Variants in TMEM19 observed in about 807,000 individuals in gnomAD.
The protein encoded by TMEM19 is transmembrane protein 19.
In TMEM19, 21 loss-of-function variants were observed where a neutral mutation model predicts 33.6. That is an observed-to-expected ratio of 0.62 (90% CI 0.44 to 0.90). The LOEUF (loss-of-function observed/expected upper bound fraction) is 0.90, where lower values mean the gene tolerates loss of function less well. TMEM19 is among the 40% of genes least tolerant of loss of function. The pLI, the probability that TMEM19 is intolerant of heterozygous loss-of-function variation, is 0.00. For synonymous variants in TMEM19, 149 were observed against 147.5 expected, an observed-to-expected ratio of 1.01 and a Z score of -0.07; for missense variants, 402 against 401.8, an observed-to-expected ratio of 1.00 and a Z score of 0.00.
chr12:71,700,991 G>T lies in TMEM19; in HGVS notation c.1007G>T (p.Gly336Val). ...GCTGCTTGGGGTTTTTGGCCCAGGGGGTGAACTTTATTTCATTTCCACAGG... is the reference window on the plus strand; with the variant it reads ...GCTGCTTGGGGTTTTTGGCCCAGGGTGTGAACTTTATTTCATTTCCACAGG... ...PTAAWGFWPR[G>V] Residue 336 changes from glycine (G) to valine (V), a missense_variant, in exon 6 of 6, where the codon GGG becomes GTG. Transcript: ENST00000266673. 2 of 1,604,944 alleles carry T rather than the reference G, an allele frequency of 1.2e-6. No homozygotes were observed. The highest frequency in any genetic ancestry group is 1.1e-5 in the South Asian group (1 of 89,586).
chr12:71,699,051 A>T lies in TMEM19; in HGVS notation c.789A>T (p.Leu263Phe), dbSNP rs761825307. 5 of 1,614,220 alleles carry T rather than the reference A, an allele frequency of 3.1e-6. No individual in the cohort carries two copies. Among genetic ancestry groups the T allele is most frequent in the Non-Finnish European group, 4.2e-6 (5 of 1,180,040 alleles). Reference protein sequence around the residue: ...PQWPIIAFGGLAGLLGSIVDS... With the variant: ...PQWPIIAFGGFAGLLGSIVDS... ...GGCCAATTATTGCATTTGGTGGTTT[A>T]GCTGGATTACTAGGATCAATTGTGG... Residue 263 changes from leucine (L) to phenylalanine (F), a missense_variant, in exon 5 of 6, where the codon TTA (leucine) becomes TTT (phenylalanine). By Grantham distance (22) the Leu-to-Phe change is conservative. Coordinates refer to ENST00000266673, the MANE Select transcript of TMEM19 (RefSeq NM_018279.4).
chr12:71,694,432 T>C (rs1212857144), intron 2 of TMEM19, among the ~76,000 whole-genome samples: 2 of 152,222 alleles, frequency 1.3e-5, no homozygotes, highest in African/African-American at 4.8e-5. Flanking sequence ...AGCCTCACTC[T>C]GTCATGTACC....
At chr12:71,694,237 C>A (rs922256429) in intron 2 of TMEM19, among the ~76,000 whole-genome samples, 8 of 152,098 alleles carry the variant, frequency 5.3e-5, no homozygotes, top group Non-Finnish European at 1.2e-4. Context: ...AGAGAGCGAG[C>A]ATTGCCAGAA....
intron 2 of TMEM19, among the ~76,000 whole-genome samples, chr12:71,694,663 A>C (rs1379228280): frequency 2.0e-5 from 3 of 152,226 alleles, no homozygotes; most frequent in African/African-American, 7.2e-5. Flanking sequence ...TCTGAGAAAC[A>C]GTTATGCAAA....
In TMEM19 at chr12:71,699,001, G is replaced by A. The variant is rs1881929534; in HGVS notation, c.739G>A (p.Asp247Asn). The change falls in exon 5 of 6, where the codon GAT becomes AAT. Residue 247 changes from aspartate to asparagine, a missense_variant. By Grantham distance (23) the Asp-to-Asn change is conservative. Coordinates refer to ENST00000266673, the MANE Select transcript of TMEM19 (RefSeq NM_018279.4). ...YFLTQLIFVN[D>N]LDISAPQWPI... ...CCTCACACAGCTGATTTTTGTGAAT[G>A]ATTTAGACATTTCTGCCCCGCAGTG... The A allele has an allele frequency of 1.9e-6, 3 of 1,614,048 alleles. No homozygotes were observed. In the South Asian group the frequency reaches 3.3e-5, roughly 18 times the overall value.
intron 4 of TMEM19, 135 bp downstream of exon 4, chr12:71,697,669 AAAT>A: frequency 3.4e-6 from 4 of 1,167,440 alleles, no homozygotes; most frequent in Non-Finnish European, 4.6e-6. Context: ...TAGTCTCTTT[AAAT>A]AATAATTGGA....
chr12:71,689,799 C>A, intron 2 of TMEM19, 95 bp downstream of exon 2: 1 of 800,256 alleles, frequency 1.2e-6, no homozygotes, highest in Non-Finnish European at 2.0e-6. Flanking sequence ...ATGAGACTGA[C>A]TACAAATCAC....
chr12:71,698,855 T>C (rs1384544963), intron 4 of TMEM19, 45 bp from the exon 5 acceptor site: 1 of 1,584,310 alleles, frequency 6.3e-7, no homozygotes, highest in Non-Finnish European at 8.7e-7. Flanking sequence ...CTTTATGTGT[T>C]TGCTGATTAT....
At chr12:71,697,748 A>G (rs1178722427) in intron 4 of TMEM19, among the ~76,000 whole-genome samples, 2 of 152,218 alleles carry the variant, frequency 1.3e-5, no homozygotes, top group Non-Finnish European at 2.9e-5. Context: ...AGCAAGACCT[A>G]GATAAGCAAT....
intron 5 of TMEM19, 43 bp downstream of exon 5, chr12:71,699,152 A>G (rs781046687): frequency 1.3e-6 from 2 of 1,598,878 alleles, no homozygotes; most frequent in African/African-American, 2.7e-5. Context: ...GGTATGTTAA[A>G]GAAATAGGGA....
At chr12:71,695,383 C>T (rs11178894) in intron 2 of TMEM19, among the ~76,000 whole-genome samples, 30,221 of 151,948 alleles carry the variant, frequency 0.2, 3,409 homozygotes, top group East Asian at 0.38. Flanking sequence ...TGTTTAGAGA[C>T]GGTGGAACAA....
At position 71,699,021 on chromosome 12, in the gene TMEM19, G is replaced by T. The variant is rs546420854; in HGVS notation, c.759G>T (p.Pro253=). The T allele has an allele frequency of 6.2e-7, 1 of 1,614,122 alleles. No homozygotes were observed. Among genetic ancestry groups the T allele is most frequent in the Admixed American group, 1.7e-5 (1 of 60,012 alleles). Reference sequence around the variant, plus strand: ...TGAATGATTTAGACATTTCTGCCCCGCAGTGGCCAATTATTGCATTTGGTG... The same window carrying T: ...TGAATGATTTAGACATTTCTGCCCCTCAGTGGCCAATTATTGCATTTGGTG... ...IFVNDLDISA[P]QWPIIAFGGL... Residue 253 remains proline (P), a synonymous_variant, in exon 5 of 6, where the codon CCG becomes CCT. Transcript: ENST00000266673.
In TMEM19 at chr12:71,689,678, G is replaced by A; in HGVS notation, c.218G>A (p.Ser73Asn). The change falls in exon 2 of 6, where the codon AGT becomes AAT. Residue 73 changes from serine (S) to asparagine (N), a missense_variant. Transcript: ENST00000266673. ...GTCTCTAATGGCCTTAAAAAGAAAA[G>A]TCTAGATCACAGTGGGGCTCTAGGA... ...LIVSNGLKKK[S>N]LDHSGALGGL... The A allele has an allele frequency of 6.2e-7, 1 of 1,613,940 alleles. No individual in the cohort carries two copies. Among genetic ancestry groups the A allele is most frequent in the Non-Finnish European group, 8.5e-7 (1 of 1,179,906 alleles).
At chr12:71,698,542 G>A (rs1478983650) in intron 4 of TMEM19, among the ~76,000 whole-genome samples, 1 of 151,640 alleles carries the variant, frequency 6.6e-6, no homozygotes, top group Non-Finnish European at 1.5e-5. Flanking sequence ...GTTGGAGGCT[G>A]CAGTAGGCTA....
chr12:71,704,644 G>A lies in TMEM19; in HGVS notation c.*3649G>A, dbSNP rs548808992. On this transcript the variant is annotated 3_prime_UTR_variant, in exon 6 of 6. Transcript: ENST00000266673. ...TCACGAGGTCAGGAGTTCAAGACCA[G>A]CCCGGCCAACACAGTGAAACCCCAT... is the stretch of plus-strand genomic sequence containing the variant. The A allele has an allele frequency of 6.6e-6, 1 of 152,200 alleles. No homozygotes were observed. The highest frequency in any genetic ancestry group is 1.5e-5 in the Non-Finnish European group (1 of 68,092). 9.4% of individuals were successfully genotyped at this position (152,200 alleles called of 1,614,324 possible). A position where few individuals can be genotyped will look rare whatever the true frequency, so the allele number is the denominator to read the frequency against.
In TMEM19 at chr12:71,699,061, CT is replaced by C. The variant is rs1473915356; in HGVS notation, c.800del (p.Leu267GlnfsTer9). On this transcript the variant is annotated frameshift_variant, in exon 5 of 6. Transcript: ENST00000266673. LOFTEE classifies it high-confidence loss of function. ...IIAFGGLAGL[L>X]GSIVDSYLGA... ...TGCATTTGGTGGTTTAGCTGGATTA[CT>C]AGGATCAATTGTGGACTCATACTTA... 4 of 1,614,032 alleles carry C rather than the reference CT, an allele frequency of 2.5e-6. No individual in the cohort carries two copies. Among genetic ancestry groups the C allele is most frequent in the Non-Finnish European group, 3.4e-6 (4 of 1,180,044 alleles).
rs755060805 is a variant in TMEM19, at chr12:71,696,441, G to A, written c.250G>A (p.Val84Ile). The A allele has an allele frequency of 6.2e-7, 1 of 1,601,152 alleles. No homozygotes were observed. The highest frequency in any genetic ancestry group is 2.2e-5 in the East Asian group (1 of 44,650). ...LDHSGALGGLVVGFILTIANF... is the reference protein window; with the variant it reads ...LDHSGALGGLIVGFILTIANF... ...TTTATATATGTTTCTTTCAGGGCTA[G>A]TCGTTGGATTTATCCTAACCATTGC... Residue 84 changes from valine to isoleucine, a missense_variant, in exon 3 of 6, where the codon GTC (valine) becomes ATC (isoleucine). Coordinates refer to ENST00000266673, the MANE Select transcript of TMEM19 (RefSeq NM_018279.4).
At position 71,697,436 on chromosome 12, in the gene TMEM19, TG is replaced by T. The variant is rs770748577; in HGVS notation, c.541del (p.Ala181ProfsTer16). The T allele has an allele frequency of 5.6e-6, 9 of 1,611,008 alleles. No individual in the cohort carries two copies. The highest frequency in any genetic ancestry group is 1.7e-5 in the Admixed American group (1 of 59,270). ...ATGTGTTTGTCTCTCTTGGCTGCAC[TG>T]GCCTGCTCTGCTGGAGACACATGGG... ...SWMCLSLLAA[L>X]ACSAGDTWAS... On this transcript the variant is annotated frameshift_variant, in exon 4 of 6. Transcript: ENST00000266673. LOFTEE classifies it high-confidence loss of function.
intron 1 of TMEM19, among the ~76,000 whole-genome samples, chr12:71,687,094 G>C: frequency 6.6e-6 from 1 of 151,818 alleles, no homozygotes; most frequent in South Asian, 2.1e-4. Flanking sequence ...CAAACCCCTA[G>C]GCTCAAGTGA....
Sources: gnomAD v4.1 joint callset for allele counts (sites outside exome capture counted in the v4.1 genomes callset) on GRCh38, gnomAD v4.1.1 for gene constraint, MANE v1.5 for transcripts, NCBI Gene and HGNC (gene_info 2026-07-23, HGNC 2026-07-21) for gene names.